GPC4: variants seen among roughly 807,000 people sequenced by gnomAD.
GPC4 encodes the protein glypican-4.
Under a neutral mutation model 35.0 loss-of-function variants are expected in GPC4, and 10 were observed. The ratio of observed to expected loss-of-function variants is 0.29; its 90% CI spans 0.18 to 0.48. The LOEUF (loss-of-function observed/expected upper bound fraction) is 0.48, where lower values mean the gene tolerates loss of function less well. GPC4 is among the 20% of genes least tolerant of loss of function. GPC4 has a pLI of 0.99. For missense variants in GPC4, 322 were observed against 451.3 expected (o/e 0.71, Z 2.60); for synonymous variants, 167 against 170.2 (o/e 0.98, Z 0.15).
At chrX:133,377,626 C>T (rs1426515672) in intron 1 of GPC4, among the ~76,000 whole-genome samples, 2 of 111,530 alleles carry the variant, frequency 1.8e-5, no homozygotes, top group Middle Eastern at 4.2e-3. Flanking sequence ...AGGCACCATG[C>T]CAAGCACTAT....
At chrX:133,375,330 T>C in intron 1 of GPC4, among the ~76,000 whole-genome samples, 1 of 111,879 alleles carries the variant, frequency 8.9e-6, no homozygotes, top group East Asian at 2.8e-4. Context: ...AAAAGATGTA[T>C]AAAGGCATTT....
intron 3 of GPC4, among the ~76,000 whole-genome samples, chrX:133,323,411 T>C (rs1178739131): frequency 9.0e-6 from 1 of 111,197 alleles, no homozygotes; most frequent in Non-Finnish European, 1.9e-5. Flanking sequence ...GCCCCGGAGG[T>C]GGAGGTTGCA....
intron 1 of GPC4, among the ~76,000 whole-genome samples, chrX:133,365,495 T>C (rs746671502): frequency 8.9e-6 from 1 of 111,733 alleles, no homozygotes; most frequent in East Asian, 2.8e-4. Context: ...TCCATTGCAG[T>C]TATGACAATA....
intron 1 of GPC4, among the ~76,000 whole-genome samples, chrX:133,341,006 A>G (rs992988427): frequency 1.8e-5 from 2 of 112,105 alleles, no homozygotes; most frequent in African/African-American, 6.5e-5. Flanking sequence ...AAAAAGGGAA[A>G]AAAAAGGTTG....
At chrX:133,350,112 CAGA>C (rs924993689) in intron 1 of GPC4, among the ~76,000 whole-genome samples, 1 of 111,188 alleles carries the variant, frequency 9.0e-6, no homozygotes, top group African/African-American at 3.3e-5. Flanking sequence ...AAAAATATAC[CAGA>C]AGAATAACAT....
Position 133,393,186 on chromosome X carries a change from T to A in GPC4, c.160+21620A>T, listed in dbSNP as rs142155570. Among the ~76,000 whole-genome samples, 25 of 112,169 alleles carry A rather than the reference T, an allele frequency of 2.2e-4. No individual in the cohort carries two copies. The East Asian group carries it at 6.4e-3, about 29-fold the overall frequency. ...AACAATGACACTGCTTTCTAGGAAG[T>A]TCTGTTCAGATGACAAATGTTTTAG... On this transcript the variant is annotated intron_variant, in intron 1 of 8. Coordinates refer to ENST00000370828, the MANE Select transcript of GPC4 (RefSeq NM_001448.3).
chrX:133,311,711 C>T (rs993578714), intron 3 of GPC4, among the ~76,000 whole-genome samples: 5 of 110,380 alleles, frequency 4.5e-5, no homozygotes, highest in Non-Finnish European at 9.5e-5. Context: ...CTCTCTCTCA[C>T]ACACACATAA....
chrX:133,347,248 G>GTTTGTTTT (rs1556029439), intron 1 of GPC4, among the ~76,000 whole-genome samples: 2 of 25,415 alleles, frequency 7.9e-5, no homozygotes, highest in African/African-American at 2.8e-4. Flanking sequence ...TCTATTAGAA[G>GTTTGTTTT]TTTTTTTTTT....
At chrX:133,414,586 C>A (rs1174178024) in intron 1 of GPC4, 2 of 752,368 alleles carry the variant, frequency 2.7e-6, no homozygotes, top group Non-Finnish European at 3.1e-6. Context: ...CCCCTCCGCT[C>A]GCAGTGCTGG....
intron 1 of GPC4, among the ~76,000 whole-genome samples, chrX:133,389,509 A>G (rs2068709496): frequency 1.8e-5 from 2 of 111,996 alleles, no homozygotes; most frequent in African/African-American, 6.5e-5. Flanking sequence ...ACAAGAGATG[A>G]GAAGGACTGT....
chrX:133,319,222 T>A (rs1326116851), intron 3 of GPC4, among the ~76,000 whole-genome samples: 2 of 109,055 alleles, frequency 1.8e-5, no homozygotes, highest in African/African-American at 6.7e-5. Flanking sequence ...GGTGAGAGGA[T>A]CACTTGAGCC....
intron 1 of GPC4, among the ~76,000 whole-genome samples, chrX:133,371,693 T>G (rs1239319895): frequency 8.9e-6 from 1 of 112,291 alleles, no homozygotes; most frequent in Non-Finnish European, 1.9e-5. Context: ...GATTTCTCTT[T>G]GTCCAAATTC....
rs763005536 is a variant in GPC4 at position 133,410,026 on chromosome X, T to C, written c.160+4780A>G. ...CCCTCAGAAACCCTCATTGGCTCAA[T>C]TGTATTGTCCAGGAAATACAATTTA... On this transcript the variant is annotated intron_variant, in intron 1 of 8. Coordinates refer to ENST00000370828, the MANE Select transcript of GPC4 (RefSeq NM_001448.3). Among the ~76,000 whole-genome samples, 442 of 100,357 alleles carry C rather than the reference T, an allele frequency of 4.4e-3. 3 individuals carry two copies. Among genetic ancestry groups the C allele is most frequent in the Non-Finnish European group, 4.8e-3 (244 of 50,432 alleles). The allele number at this position is 100,357 out of a possible 115,157, so 87.1% of individuals were successfully genotyped here. A position where few individuals can be genotyped will look rare whatever the true frequency, so the allele number is the denominator to read the frequency against.
rs755625766 is a variant in GPC4, at chrX:133,324,237, A to G, written c.619T>C (p.Leu207=). The change falls in exon 3 of 9, where the codon TTG becomes CTG. Residue 207 remains leucine (L), a synonymous_variant. Coordinates refer to ENST00000370828, the MANE Select transcript of GPC4 (RefSeq NM_001448.3). ...AAAGCACGAGTAACCTGGAGCTTCAATTTGCGAGGGACATCTCCGAAGGGC... is the reference window on the plus strand; with the variant it reads ...AAAGCACGAGTAACCTGGAGCTTCAGTTTGCGAGGGACATCTCCGAAGGGC... ...LKPFGDVPRK[L]KLQVTRAFVA... is the part of the protein sequence containing the mutation. 1 of 1,209,908 alleles carries G rather than the reference A, an allele frequency of 8.3e-7. No homozygotes were observed. Among genetic ancestry groups the G allele is most frequent in the African/African-American group, 1.7e-5 (1 of 57,206 alleles).
chrX:133,384,599 G>A (rs2068679748), intron 1 of GPC4, among the ~76,000 whole-genome samples: 1 of 111,308 alleles, frequency 9.0e-6, no homozygotes, highest in Non-Finnish European at 1.9e-5. Context: ...GGCTCCAGAA[G>A]GCTCAGGCCC....
At chrX:133,377,877 C>CTTTTTTTTTTCTTTTTTTTTTTTTT (rs2068641616) in intron 1 of GPC4, among the ~76,000 whole-genome samples, 1 of 86,191 alleles carries the variant, frequency 1.2e-5, no homozygotes, top group African/African-American at 4.4e-5. Flanking sequence ...TTTTCTTTTT[C>CTTTTTTTTTTCTTTTTTTTTTTTTT]TTTTTTTTTT....
chrX:133,377,474 T>G (rs1027780000), intron 1 of GPC4, among the ~76,000 whole-genome samples: 17 of 112,214 alleles, frequency 1.5e-4, no homozygotes, highest in African/African-American at 5.5e-4. Context: ...AACAAAGAAT[T>G]TAAATTTTAA....
chrX:133,332,286 C>T (rs960207903), intron 2 of GPC4, among the ~76,000 whole-genome samples: 1 of 111,770 alleles, frequency 8.9e-6, no homozygotes, highest in Non-Finnish European at 1.9e-5. Flanking sequence ...TTCCTTCCTC[C>T]CTTTTTCCTA....
intron 1 of GPC4, among the ~76,000 whole-genome samples, chrX:133,361,269 G>A (rs1374995532): frequency 8.9e-6 from 1 of 111,991 alleles, no homozygotes; most frequent in Non-Finnish European, 1.9e-5. Flanking sequence ...CTACCTGAGT[G>A]TGATGTCCTT....
Sources: gnomAD v4.1 joint callset for allele counts (sites outside exome capture counted in the v4.1 genomes callset) on GRCh38, gnomAD v4.1.1 for gene constraint, MANE v1.5 for transcripts, NCBI Gene and HGNC (gene_info 2026-07-23, HGNC 2026-07-21) for gene names.